FBXO15: variants seen among roughly 807,000 people sequenced by gnomAD.
FBXO15 encodes F-box only protein 15.
In FBXO15, 30 loss-of-function variants were observed where a neutral mutation model predicts 49.5. That is an observed-to-expected ratio of 0.61 (90% CI 0.45 to 0.82). The LOEUF (loss-of-function observed/expected upper bound fraction) is 0.82, where lower values mean the gene tolerates loss of function less well. Among genes scored for constraint, FBXO15 ranks in the 40% least tolerant of loss-of-function variants. The pLI, the probability that FBXO15 is intolerant of heterozygous loss-of-function variation, is 0.00. For synonymous variants in FBXO15, 250 were observed against 232.7 expected (o/e 1.07, Z -0.68); for missense variants, 591 against 631.5 (o/e 0.94, Z 0.69).
At chr18:74,087,613 A>T (rs778041559) in intron 8 of FBXO15, among the ~76,000 whole-genome samples, 1 of 152,238 alleles carries the variant, frequency 6.6e-6, no homozygotes, top group Non-Finnish European at 1.5e-5. Context: ...CCAGTCTACC[A>T]CTGATGGGCA....
intron 8 of FBXO15, among the ~76,000 whole-genome samples, chr18:74,113,598 G>T (rs1333967829): frequency 1.3e-5 from 2 of 152,050 alleles, no homozygotes; most frequent in African/African-American, 4.8e-5. Flanking sequence ...GCCCTAAAAA[G>T]TACAGTCTAT....
At chr18:74,090,648 A>G (rs892344833) in intron 8 of FBXO15, among the ~76,000 whole-genome samples, 1 of 151,860 alleles carries the variant, frequency 6.6e-6, no homozygotes, top group Non-Finnish European at 1.5e-5. Context: ...TTTCTGCCTC[A>G]ATCATTTCCC....
intron 9 of FBXO15, among the ~76,000 whole-genome samples, chr18:74,077,974 G>A (rs1054193517): frequency 6.6e-6 from 1 of 152,132 alleles, no homozygotes; most frequent in Non-Finnish European, 1.5e-5. Flanking sequence ...GATCCTATGG[G>A]AGGAAGGAGG....
rs549705194 is a variant in FBXO15, at chr18:74,075,642, C to T, written c.1264-1912G>A. The stretch of plus-strand genomic sequence containing the variant: ...TGGTATCCTTTTTCCATCATCTGAC[C>T]GAACATCTCTTGATAAGGCCACTAA... On this transcript the variant is annotated intron_variant, in intron 9 of 9. Coordinates refer to ENST00000419743, the MANE Select transcript of FBXO15 (RefSeq NM_001142958.2). This position sits in a 1 kb window ranked among gnomAD's most constrained non-coding sequence, Gnocchi z 4.1. 9.8e-5 allele frequency among the ~76,000 whole-genome samples: 15 copies of T among 152,320 alleles called. No individual in the cohort carries two copies. The highest frequency in any genetic ancestry group is 1.8e-4 in the Non-Finnish European group (12 of 68,024).
chr18:74,125,289 C>G (rs557481582), intron 6 of FBXO15, among the ~76,000 whole-genome samples: 1 of 152,268 alleles, frequency 6.6e-6, no homozygotes, highest in East Asian at 1.9e-4. Context: ...CACCTTCACA[C>G]AGAAAGGGGA....
At chr18:74,095,044 A>T (rs1208363504) in intron 8 of FBXO15, among the ~76,000 whole-genome samples, 1 of 152,242 alleles carries the variant, frequency 6.6e-6, no homozygotes, top group Non-Finnish European at 1.5e-5. Flanking sequence ...GCTAGCTTCA[A>T]ACTTTTCTTC....
rs573638989 is a variant in FBXO15, at chr18:74,075,071, C to T, written c.1264-1341G>A. Among the ~76,000 whole-genome samples the T allele has an allele frequency of 8.9e-4, 135 of 152,334 alleles. No homozygotes were observed. The highest frequency in any genetic ancestry group is 1.6e-3 in the Non-Finnish European group (106 of 68,036). On this transcript the variant is annotated intron_variant, in intron 9 of 9. Coordinates refer to ENST00000419743, the MANE Select transcript of FBXO15 (RefSeq NM_001142958.2). This position sits in a 1 kb window ranked among gnomAD's most constrained non-coding sequence, Gnocchi z 4.1. ...CACCAAGCACAGCGGGAGGGCTGCA[C>T]GCAGAGCTGCTGGGTGCCCATGCAG...
chr18:74,106,188 G>C (rs566384939), intron 8 of FBXO15, among the ~76,000 whole-genome samples: 11 of 152,008 alleles, frequency 7.2e-5, no homozygotes, highest in Non-Finnish European at 1.3e-4. Context: ...AGGAAGTGTA[G>C]GTTGAAAAAG....
chr18:74,091,924 C>T (rs1468491316), intron 8 of FBXO15, among the ~76,000 whole-genome samples: 1 of 152,228 alleles, frequency 6.6e-6, no homozygotes, highest in African/African-American at 2.4e-5. Context: ...TGAATGTTGG[C>T]CTCTCTAGAG....
intron 9 of FBXO15, among the ~76,000 whole-genome samples, chr18:74,078,337 C>A (rs72970731): frequency 0.017 from 2,595 of 148,936 alleles, 39 homozygotes; most frequent in Middle Eastern, 0.037. Context: ...AGGCCCCCCC[C>A]CGACCTGCCC....
intron 8 of FBXO15, among the ~76,000 whole-genome samples, chr18:74,095,105 C>A (rs189746867): frequency 6.6e-5 from 10 of 152,342 alleles, no homozygotes; most frequent in Admixed American, 1.3e-4. Context: ...GGAGTTAGGT[C>A]CTTGCTCTGG....
intron 2 of FBXO15, among the ~76,000 whole-genome samples, chr18:74,138,402 C>A (rs181126059): frequency 6.6e-6 from 1 of 152,144 alleles, no homozygotes; most frequent in African/African-American, 2.4e-5. Context: ...GGCCGCAGGT[C>A]ACCGACTGCT....
chr18:74,147,765 C>T lies in FBXO15; in HGVS notation c.21G>A (p.Arg7=). The T allele has an allele frequency of 6.5e-7, 1 of 1,535,080 alleles. No individual in the cohort carries two copies. The highest frequency in any genetic ancestry group is 8.8e-7 in the Non-Finnish European group (1 of 1,142,530). Residue 7 remains arginine, a synonymous_variant, in exon 1 of 10, where the codon CGG becomes CGA. Transcript: ENST00000419743. ...GGCCGAGCCAGTGCTGCTGCAAGAT[C>T]CGACCGCGTCCAGTCGCCATAGAGA... MATGRG[R]ILQQHWLGLQ...
In FBXO15 at chr18:74,122,185, C is replaced by A. The variant is rs373621315; in HGVS notation, c.1138+1183G>T. On this transcript the variant is annotated intron_variant, in intron 8 of 9. Coordinates refer to ENST00000419743, the MANE Select transcript of FBXO15 (RefSeq NM_001142958.2). ...TAATCCCAGAATCCACTCCCTACAC[C>A]TTTTCTAATAAAATTACTGCATTAA... is the stretch of plus-strand genomic sequence containing the variant. 3.9e-5 allele frequency among the ~76,000 whole-genome samples: 6 copies of A among 152,234 alleles called. No homozygotes were observed. The East Asian group carries it at 9.6e-4, about 24-fold the overall frequency.
At chr18:74,128,045 T>C (rs1464286475) in intron 5 of FBXO15, among the ~76,000 whole-genome samples, 1 of 152,224 alleles carries the variant, frequency 6.6e-6, no homozygotes, top group Non-Finnish European at 1.5e-5. Context: ...GCTTCCTTCA[T>C]GATCCCGTAT....
chr18:74,112,684 T>C (rs1192433714), intron 8 of FBXO15, among the ~76,000 whole-genome samples: 1 of 152,114 alleles, frequency 6.6e-6, no homozygotes, highest in Non-Finnish European at 1.5e-5. Context: ...GAAAAGGAAA[T>C]AGAAGGTATC....
chr18:74,129,525 G>A lies in FBXO15; in HGVS notation c.665C>T (p.Thr222Ile). Residue 222 changes from threonine to isoleucine, a missense_variant, in exon 5 of 10, where the codon ACA (threonine) becomes ATA (isoleucine). Physicochemically the swap from Thr to Ile is moderately conservative, Grantham distance 89. Coordinates refer to ENST00000419743, the MANE Select transcript of FBXO15 (RefSeq NM_001142958.2). Reference sequence around the variant, plus strand: ...GCCATACCATATAACAGTAACTGATGTGTCATTTATGGAAAGATCAACATG... The same window carrying A: ...GCCATACCATATAACAGTAACTGATATGTCATTTATGGAAAGATCAACATG... Reference protein sequence around the residue: ...MEHVDLSINDTSVTVIWYGKK... With the variant: ...MEHVDLSINDISVTVIWYGKK... 1.2e-6 allele frequency: 2 copies of A among 1,613,634 alleles called. No homozygotes were observed. Among genetic ancestry groups the A allele is most frequent in the Non-Finnish European group, 1.7e-6 (2 of 1,179,886 alleles).
intron 9 of FBXO15, among the ~76,000 whole-genome samples, chr18:74,081,526 A>C (rs1912495779): frequency 6.6e-6 from 1 of 152,224 alleles, no homozygotes; most frequent in Non-Finnish European, 1.5e-5. Context: ...TAACTGCAAT[A>C]AGTTTTAAAT....
chr18:74,098,202 C>T (rs1170033875), intron 8 of FBXO15: 1 of 152,096 alleles, frequency 6.6e-6, no homozygotes, highest in Non-Finnish European at 1.5e-5. Flanking sequence ...GGTAATACGA[C>T]AAAACAAGGC....
Sources: gnomAD v4.1 joint callset for allele counts (sites outside exome capture counted in the v4.1 genomes callset) on GRCh38, gnomAD v4.1.1 for gene constraint, Gnocchi (gnomAD v3.1) non-coding constraint, MANE v1.5 for transcripts, NCBI Gene and HGNC (gene_info 2026-07-23, HGNC 2026-07-21) for gene names.